Variants in DNAAF9 observed in about 807,000 individuals in gnomAD.
The protein encoded by DNAAF9 is shulin.
Under a neutral mutation model 167.0 loss-of-function variants are expected in DNAAF9, and 90 were observed. That is an observed-to-expected ratio of 0.54 (90% CI 0.45 to 0.64). The LOEUF is 0.64. Ranked by LOEUF, DNAAF9 falls within the 30% of genes least tolerant of loss-of-function variation. The probability of loss-of-function intolerance (pLI) is 0.00; values close to 1 mark genes in which losing one functional copy is unlikely to be tolerated. For missense variants in DNAAF9, 1,315 were observed against 1,442.2 expected (o/e 0.91, Z 1.43); for synonymous variants, 491 against 508.8 (o/e 0.96, Z 0.47).
chr20:3,288,065 G>A (rs559960016), intron 26 of DNAAF9, among the ~76,000 whole-genome samples: 1 of 152,354 alleles, frequency 6.6e-6, no homozygotes, highest in Admixed American at 6.5e-5. Context: ...ACAGACATCA[G>A]AGGTAAGAAA....
chr20:3,324,407 T>C (rs967731528), intron 14 of DNAAF9, among the ~76,000 whole-genome samples: 2 of 151,984 alleles, frequency 1.3e-5, no homozygotes, highest in African/African-American at 4.8e-5. Flanking sequence ...ACAACCACCG[T>C]GACATGCTGG....
chr20:3,292,390 T>C (rs1002288324), intron 25 of DNAAF9, among the ~76,000 whole-genome samples: 3 of 152,254 alleles, frequency 2.0e-5, no homozygotes, highest in Non-Finnish European at 4.4e-5. Flanking sequence ...CGTTTCTCAT[T>C]GCTTAGTGCT....
intron 10 of DNAAF9, among the ~76,000 whole-genome samples, chr20:3,337,227 A>T (rs1296409500): frequency 2.0e-5 from 3 of 147,174 alleles, no homozygotes; most frequent in Non-Finnish European, 3.0e-5. Context: ...GAAACTTTCT[A>T]TCATTTACTC....
chr20:3,308,545 C>T (rs1424232063), intron 20 of DNAAF9, among the ~76,000 whole-genome samples: 4 of 151,790 alleles, frequency 2.6e-5, no homozygotes, highest in East Asian at 2.0e-4. Context: ...GGTTTCACCA[C>T]GCTGGCCAGG....
At chr20:3,304,676 G>A (rs1016479445) in intron 20 of DNAAF9, 133 bp from the exon 21 acceptor site, 9 of 613,476 alleles carry the variant, frequency 1.5e-5, no homozygotes, top group Non-Finnish European at 1.2e-5. Flanking sequence ...TTTGTATGCT[G>A]AGCCCTGTGC....
At chr20:3,278,858 G>C in intron 29 of DNAAF9, 54 bp downstream of exon 29, 2 of 1,263,394 alleles carry the variant, frequency 1.6e-6, no homozygotes, top group South Asian at 1.2e-5. Flanking sequence ...GTCTATTGCT[G>C]AATTCTACTG....
intron 1 of DNAAF9, among the ~76,000 whole-genome samples, chr20:3,402,251 T>C (rs998906381): frequency 3.3e-5 from 5 of 152,202 alleles, no homozygotes; most frequent in African/African-American, 4.8e-5. Flanking sequence ...TGCCAGGACA[T>C]GCATATTTTT....
chr20:3,280,586 A>C (rs1346313693), intron 28 of DNAAF9, among the ~76,000 whole-genome samples: 2 of 151,708 alleles, frequency 1.3e-5, no homozygotes, highest in Non-Finnish European at 2.9e-5. Context: ...AAAAAAATTT[A>C]AACAATGGAG....
At chr20:3,363,184 G>A (rs1356827817) in intron 6 of DNAAF9, among the ~76,000 whole-genome samples, 11 of 141,490 alleles carry the variant, frequency 7.8e-5, no homozygotes, top group East Asian at 4.2e-4. Context: ...AGCCAAGATC[G>A]TGCCATTGCT....
chr20:3,344,088 C>T (rs1255262710), intron 8 of DNAAF9, among the ~76,000 whole-genome samples: 1 of 152,054 alleles, frequency 6.6e-6, no homozygotes, highest in Non-Finnish European at 1.5e-5. Flanking sequence ...GAAAATTGGA[C>T]CAATCACCAT....
At chr20:3,362,125 A>C (rs2083372154) in intron 6 of DNAAF9, 3 of 1,387,926 alleles carry the variant, frequency 2.2e-6, no homozygotes, top group South Asian at 2.5e-5. Context: ...TTCTATTTTA[A>C]GGCTGTATAT....
At chr20:3,386,057 T>G (rs943373968) in intron 1 of DNAAF9, among the ~76,000 whole-genome samples, 1 of 152,158 alleles carries the variant, frequency 6.6e-6, no homozygotes, top group South Asian at 2.1e-4. Context: ...GAGGCTAAGA[T>G]GGGAGGATCA....
At chr20:3,284,533 G>GTATGACCCAGCTGTAT (rs34464592) in intron 27 of DNAAF9, among the ~76,000 whole-genome samples, 1 of 151,692 alleles carries the variant, frequency 6.6e-6, no homozygotes, top group African/African-American at 2.4e-5. Context: ...GTATGACGAA[G>GTATGACCCAGCTGTAT]GCAAAAAACT....
intron 1 of DNAAF9, among the ~76,000 whole-genome samples, chr20:3,401,144 C>T: frequency 6.6e-6 from 1 of 152,300 alleles, no homozygotes; most frequent in Non-Finnish European, 1.5e-5. Context: ...GAAGAGATAA[C>T]TAACCTCTGT....
chr20:3,371,479 G>T (rs1163396156), intron 6 of DNAAF9, among the ~76,000 whole-genome samples: 1 of 151,442 alleles, frequency 6.6e-6, no homozygotes, highest in Non-Finnish European at 1.5e-5. Context: ...GAGTAGCTGG[G>T]ACTACAGGCG....
At chr20:3,334,798 G>A (rs1255917409) in intron 10 of DNAAF9, among the ~76,000 whole-genome samples, 1 of 152,180 alleles carries the variant, frequency 6.6e-6, no homozygotes, top group African/African-American at 2.4e-5. Flanking sequence ...TTCCTAGCTG[G>A]CTCTCAAGTC....
chr20:3,257,985 TC>T lies in DNAAF9; in HGVS notation c.3055+1494del, dbSNP rs560793451. ...CTCAAATGATCTGCCTGCCTTGGCC[TC>T]CCAAAGTGCTGGGATTACAGGTGTG... is the stretch of plus-strand genomic sequence containing the variant. On this transcript the variant is annotated intron_variant, in intron 33 of 36. Transcript: ENST00000252032. Among the ~76,000 whole-genome samples the T allele has an allele frequency of 1.8e-4, 17 of 93,312 alleles. No individual in the cohort carries two copies. The South Asian group carries it at 4.9e-3, about 27-fold the overall frequency. 61.2% of individuals were successfully genotyped at this position (93,312 alleles called of 152,430 possible). A position where few individuals can be genotyped will look rare whatever the true frequency, so the allele number is the denominator to read the frequency against.
At chr20:3,379,925 G>A (rs926136783) in intron 3 of DNAAF9, among the ~76,000 whole-genome samples, 2 of 152,148 alleles carry the variant, frequency 1.3e-5, no homozygotes, top group African/African-American at 4.8e-5. Context: ...GGGCATGGTG[G>A]TGCATGCCTG....
chr20:3,315,227 C>T lies in DNAAF9; in HGVS notation c.1591-107G>A, dbSNP rs1254977497. ...GCCCAATTATGTCCGTCTACAAAAG[C>T]TGAGTCAGGCTCAGATATGCCCAAT... On this transcript the variant is annotated intron_variant, in intron 19 of 36. Coordinates refer to ENST00000252032, the MANE Select transcript of DNAAF9 (RefSeq NM_001009984.3). The surrounding 1 kb of genome is among the most constrained non-coding windows in gnomAD (Gnocchi z 4.1). The T allele has an allele frequency of 4.0e-6, 3 of 742,546 alleles. No individual in the cohort carries two copies. The highest frequency in any genetic ancestry group is 7.2e-6 in the Non-Finnish European group (3 of 419,372). 46.0% of individuals were successfully genotyped at this position (742,546 alleles called of 1,614,324 possible).
Sources: gnomAD v4.1 joint callset for allele counts (sites outside exome capture counted in the v4.1 genomes callset) on GRCh38, gnomAD v4.1.1 for gene constraint, Gnocchi (gnomAD v3.1) non-coding constraint, MANE v1.5 for transcripts, NCBI Gene and HGNC (gene_info 2026-07-23, HGNC 2026-07-21) for gene names.